TENM4: variants seen among roughly 807,000 people sequenced by gnomAD.
TENM4 encodes teneurin transmembrane protein 4.
Under a neutral mutation model 243.3 loss-of-function variants are expected in TENM4, and 82 were observed. The ratio of observed to expected loss-of-function variants is 0.34; its 90% CI spans 0.28 to 0.40. The LOEUF (loss-of-function observed/expected upper bound fraction) is 0.40. Ranked by LOEUF, TENM4 falls within the 10% of genes least tolerant of loss-of-function variation. TENM4 has a pLI of 1.00. For synonymous variants in TENM4, 1,412 were observed against 1,456.3 expected, an observed-to-expected ratio of 0.97 and a Z score of 0.69; for missense variants, 3,138 against 3,673.3, an observed-to-expected ratio of 0.85 and a Z score of 3.77.
intron 1 of TENM4, among the ~76,000 whole-genome samples, chr11:79,326,079 G>A (rs1417176528): frequency 6.6e-6 from 1 of 152,154 alleles, no homozygotes; most frequent in African/African-American, 2.4e-5. Flanking sequence ...CTTATCCCAG[G>A]AACATATTGT....
chr11:79,187,483 C>G (rs1046133369), intron 3 of TENM4, among the ~76,000 whole-genome samples: 1 of 152,136 alleles, frequency 6.6e-6, no homozygotes, highest in Non-Finnish European at 1.5e-5. Flanking sequence ...AGACCAAGTT[C>G]TAGATGCAAT....
At chr11:78,822,168 C>T (rs1857748074) in intron 12 of TENM4, among the ~76,000 whole-genome samples, 1 of 152,170 alleles carries the variant, frequency 6.6e-6, no homozygotes, top group African/African-American at 2.4e-5. Context: ...AAGCGTATGA[C>T]ATCTTCCAAG....
At chr11:79,193,431 G>A (rs369091220) in intron 3 of TENM4, among the ~76,000 whole-genome samples, 11 of 152,176 alleles carry the variant, frequency 7.2e-5, no homozygotes, top group African/African-American at 1.7e-4. Context: ...CTTGTATTCC[G>A]CTTTTCCCTA....
At chr11:79,373,084 G>T (rs570804942) in intron 1 of TENM4, among the ~76,000 whole-genome samples, 13 of 152,210 alleles carry the variant, frequency 8.5e-5, no homozygotes, top group African/African-American at 2.9e-4. Flanking sequence ...TATATCTAAA[G>T]ACATTAAATA....
At chr11:78,894,500 A>G (rs970941130) in intron 7 of TENM4, among the ~76,000 whole-genome samples, 56 of 152,338 alleles carry the variant, frequency 3.7e-4, no homozygotes, top group African/African-American at 1.3e-3. Flanking sequence ...AGTTATTTTT[A>G]AAAAAAGAGA....
chr11:78,913,992 G>A (rs1856257737), intron 6 of TENM4, among the ~76,000 whole-genome samples: 1 of 152,168 alleles, frequency 6.6e-6, no homozygotes, highest in African/African-American at 2.4e-5. Flanking sequence ...ATGTGTTTAG[G>A]AGTCCAGCTG....
chr11:78,830,581 C>A (rs1035716442), intron 12 of TENM4, among the ~76,000 whole-genome samples: 1 of 152,214 alleles, frequency 6.6e-6, no homozygotes, highest in Non-Finnish European at 1.5e-5. Context: ...GACGCAGGTG[C>A]ACATCCCCTC....
chr11:78,721,088 G>C (rs1859638733), intron 24 of TENM4, among the ~76,000 whole-genome samples: 1 of 152,186 alleles, frequency 6.6e-6, no homozygotes, highest in Non-Finnish European at 1.5e-5. Flanking sequence ...TCAGTGATTA[G>C]TCCAAAGTTG....
chr11:79,297,091 C>T (rs1428115192), intron 2 of TENM4, among the ~76,000 whole-genome samples: 1 of 152,208 alleles, frequency 6.6e-6, no homozygotes, highest in African/African-American at 2.4e-5. Flanking sequence ...AACGCTTGAC[C>T]ACACTAGTCC....
At chr11:79,255,757 T>G (rs1215718727) in intron 2 of TENM4, among the ~76,000 whole-genome samples, 4 of 152,252 alleles carry the variant, frequency 2.6e-5, no homozygotes, top group African/African-American at 9.6e-5. Context: ...ATTTCAACTT[T>G]TGTCCCTAAC....
chr11:78,717,773 A>G (rs1783944), intron 25 of TENM4, among the ~76,000 whole-genome samples: 105,565 of 152,088 alleles, frequency 0.69, 37,517 homozygotes, highest in African/African-American at 0.84. Context: ...TCCCGGGACA[A>G]TTAAGGGCTC....
chr11:78,685,447 A>T (rs1179073825), intron 29 of TENM4, among the ~76,000 whole-genome samples: 1 of 152,210 alleles, frequency 6.6e-6, no homozygotes, highest in Admixed American at 6.5e-5. Context: ...AAAGAGGAAA[A>T]ACAGGTACCA....
chr11:79,090,582 A>G (rs1440549483), intron 4 of TENM4, among the ~76,000 whole-genome samples: 1 of 152,242 alleles, frequency 6.6e-6, no homozygotes, highest in Non-Finnish European at 1.5e-5. Flanking sequence ...AGGCACAGAG[A>G]CGCTCAGGAC....
chr11:79,216,615 G>T (rs577584373), intron 2 of TENM4, among the ~76,000 whole-genome samples: 5 of 152,308 alleles, frequency 3.3e-5, no homozygotes, highest in African/African-American at 1.2e-4. Flanking sequence ...TCATAGCAGT[G>T]AGTGAGTTAT....
intron 1 of TENM4, among the ~76,000 whole-genome samples, chr11:79,358,950 AT>A (rs202209074): frequency 0.044 from 6,334 of 144,082 alleles, 285 homozygotes; most frequent in African/African-American, 0.12. Flanking sequence ...GTAAAAAGGC[AT>A]TTTTTTTTTT....
chr11:78,796,189 A>G (rs1186098389), intron 15 of TENM4, among the ~76,000 whole-genome samples: 1 of 152,170 alleles, frequency 6.6e-6, no homozygotes, highest in African/African-American at 2.4e-5. Flanking sequence ...AGCACCTACC[A>G]CAGGAAGCAG....
chr11:78,687,157 C>T (rs562020233), intron 29 of TENM4, among the ~76,000 whole-genome samples: 6 of 152,284 alleles, frequency 3.9e-5, no homozygotes, highest in African/African-American at 1.4e-4. Context: ...CAGGTGGGAA[C>T]TGGCATGATG....
At chr11:78,758,220 C>A (rs78957438) in intron 18 of TENM4, among the ~76,000 whole-genome samples, 2 of 152,172 alleles carry the variant, frequency 1.3e-5, no homozygotes, top group African/African-American at 4.8e-5. Flanking sequence ...GGGAAACTTC[C>A]TCACCACCGT....
chr11:78,748,333 C>T (rs1444890831), intron 19 of TENM4, among the ~76,000 whole-genome samples: 1 of 152,046 alleles, frequency 6.6e-6, no homozygotes, highest in African/African-American at 2.4e-5. Context: ...AAGTGAGGCA[C>T]AGAAAGATTA....
Sources: allele counts gnomAD v4.1 joint callset (sites outside exome capture counted in the v4.1 genomes callset), GRCh38; gene constraint gnomAD v4.1.1; transcripts MANE v1.5; gene names NCBI Gene and HGNC (gene_info 2026-07-23, HGNC 2026-07-21).